CCNY: variants seen among roughly 807,000 people sequenced by gnomAD.
CCNY encodes cyclin Y.
In CCNY, 19 loss-of-function variants were observed where a neutral mutation model predicts 42.8. That is an observed-to-expected ratio of 0.44 (90% confidence interval 0.31 to 0.65). The LOEUF (loss-of-function observed/expected upper bound fraction) is 0.65. Ranked by LOEUF, CCNY falls within the 30% of genes least tolerant of loss-of-function variation. CCNY has a pLI of 0.07. For synonymous variants in CCNY, 165 were observed against 162.7 expected (o/e 1.01, Z -0.11); for missense variants, 370 against 437.3 (o/e 0.85, Z 1.37).
chr10:35,537,922 T>G (rs1423510150), intron 7 of CCNY, among the ~76,000 whole-genome samples: 4 of 152,146 alleles, frequency 2.6e-5, no homozygotes, highest in African/African-American at 9.7e-5. Context: ...AATGATACGG[T>G]TTGGCTGTGT....
chr10:35,317,149 AT>A lies in CCNY; in HGVS notation c.-9+66532del, dbSNP rs1406495369. 5.9e-5 allele frequency among the ~76,000 whole-genome samples: 9 copies of A among 151,368 alleles called. No homozygotes were observed. The East Asian group carries it at 1.2e-3, about 20-fold the overall frequency. On this transcript the variant is annotated intron_variant, in intron 3 of 11. Transcript: ENST00000374706. ...GGCGTGAACCATTGTGCAGGGCCCAATTTTTTTTTAAGTTTATTTTTTATAG... is the reference window on the plus strand; with the variant it reads ...GGCGTGAACCATTGTGCAGGGCCCAATTTTTTTTAAGTTTATTTTTTATAG...
At position 35,517,636 on chromosome 10, in the gene CCNY, T is replaced by C. The variant is rs115388456; in HGVS notation, c.365+1013T>C. 3.4e-3 allele frequency among the ~76,000 whole-genome samples: 512 copies of C among 152,304 alleles called. 4 individuals are homozygous for C. Among genetic ancestry groups the C allele is most frequent in the African/African-American group, 0.012 (482 of 41,566 alleles). ...GGCAGAAGGTGGAGGACAAGGCCGC[T>C]TGGGTAGAGGCTGCCTGTTGGCACT... On this transcript the variant is annotated intron_variant, in intron 4 of 9. Transcript: ENST00000374704.
chr10:35,419,123 A>T (rs1346785531), intron 1 of CCNY, among the ~76,000 whole-genome samples: 3 of 152,170 alleles, frequency 2.0e-5, no homozygotes, highest in Non-Finnish European at 4.4e-5. Context: ...GGGATATAAT[A>T]GTATTTATGT....
intron 8 of CCNY, among the ~76,000 whole-genome samples, chr10:35,556,104 A>G (rs1564457311): frequency 6.6e-6 from 1 of 152,112 alleles, no homozygotes; most frequent in African/African-American, 2.4e-5. Context: ...TGCCCAGGCT[A>G]CCCCATTGCC....
intron 1 of CCNY, among the ~76,000 whole-genome samples, chr10:35,399,938 A>G (rs374220946): frequency 5.9e-5 from 9 of 152,292 alleles, no homozygotes; most frequent in African/African-American, 1.2e-4. Flanking sequence ...AATAAGATAC[A>G]TGGCTAGTAG....
chr10:35,483,392 C>T lies in CCNY; in HGVS notation c.155-12C>T, dbSNP rs764656032. 2.6e-6 allele frequency: 4 copies of T among 1,565,616 alleles called. No homozygotes were observed. The highest frequency in any genetic ancestry group is 3.5e-6 in the Non-Finnish European group (4 of 1,139,962). On this transcript the variant is annotated splice_polypyrimidine_tract_variant and intron_variant, in intron 1 of 9. Coordinates refer to ENST00000374704, the MANE Select transcript of CCNY (RefSeq NM_145012.6). ...TGGTTTATTCATATAATTTATTTTC[C>T]TTTCTTTAAAGATTTGAACATGGAA...
intron 1 of CCNY, among the ~76,000 whole-genome samples, chr10:35,482,749 G>GGTGT (rs56033862): frequency 0.13 from 17,337 of 128,624 alleles, 1,260 homozygotes; most frequent in Middle Eastern, 0.17. Flanking sequence ...GCTGGAAATA[G>GGTGT]GTGTGTGTGT....
chr10:35,446,166 TG>T (rs1315958653), intron 1 of CCNY, among the ~76,000 whole-genome samples: 4 of 152,244 alleles, frequency 2.6e-5, no homozygotes, highest in African/African-American at 9.6e-5. Context: ...TTTTGGTCTC[TG>T]TTGATTGTTT....
At chr10:35,408,372 G>T (rs1007738234) in intron 1 of CCNY, among the ~76,000 whole-genome samples, 6 of 152,152 alleles carry the variant, frequency 3.9e-5, no homozygotes, top group Non-Finnish European at 5.9e-5. Flanking sequence ...CCTGGGTGCC[G>T]GCAGGCTGAG....
At chr10:35,508,247 C>T (rs1473202148) in intron 3 of CCNY, among the ~76,000 whole-genome samples, 1 of 152,166 alleles carries the variant, frequency 6.6e-6, no homozygotes, top group Non-Finnish European at 1.5e-5. Context: ...GTCCATCTGT[C>T]TGTCCATCCA....
At chr10:35,418,128 G>T (rs1838066043) in intron 1 of CCNY, among the ~76,000 whole-genome samples, 1 of 152,228 alleles carries the variant, frequency 6.6e-6, no homozygotes. Context: ...GTGAAGGGCT[G>T]AGAGTTTATA....
intron 3 of CCNY, among the ~76,000 whole-genome samples, chr10:35,503,672 G>C (rs541834866): frequency 1.3e-5 from 2 of 152,302 alleles, no homozygotes; most frequent in South Asian, 4.1e-4. Flanking sequence ...GCTGTAATTG[G>C]TTTAATGGAC....
chr10:35,455,823 TTTAA>T (rs1353469080), intron 1 of CCNY, among the ~76,000 whole-genome samples: 3 of 135,872 alleles, frequency 2.2e-5, no homozygotes, highest in Non-Finnish European at 4.7e-5. Context: ...TTTTTTTTTT[TTTAA>T]AAAAAGAAAA....
At chr10:35,291,349 T>C (rs943268433) in intron 3 of CCNY, among the ~76,000 whole-genome samples, 1 of 151,988 alleles carries the variant, frequency 6.6e-6, no homozygotes, top group African/African-American at 2.4e-5. Flanking sequence ...TAGCATGATG[T>C]TTTCAAGGTA....
chr10:35,252,624 T>G (rs1486631626), intron 3 of CCNY, among the ~76,000 whole-genome samples: 1 of 149,044 alleles, frequency 6.7e-6, no homozygotes, highest in Non-Finnish European at 1.5e-5. Context: ...CATTGAGGTA[T>G]GAAAAATATT....
At chr10:35,259,882 A>C (rs1412359715) in intron 3 of CCNY, among the ~76,000 whole-genome samples, 1 of 136,190 alleles carries the variant, frequency 7.3e-6, no homozygotes, top group Non-Finnish European at 1.6e-5. Context: ...ATGCATAATC[A>C]AACAACATAC....
intron 1 of CCNY, among the ~76,000 whole-genome samples, chr10:35,396,682 A>T (rs563789658): frequency 6.6e-6 from 1 of 152,334 alleles, no homozygotes; most frequent in South Asian, 2.1e-4. Flanking sequence ...GACGCTTCCC[A>T]TGAGAAAAGA....
intron 1 of CCNY, 27 bp downstream of exon 1, chr10:35,337,234 C>G: frequency 6.8e-7 from 1 of 1,479,150 alleles, no homozygotes; most frequent in Non-Finnish European, 9.0e-7. Context: ...GAGCCCCCTA[C>G]CCGCCCCCGC....
rs184354655 is a variant in CCNY, at chr10:35,309,908, C to T, written c.-9+59282C>T. Among the ~76,000 whole-genome samples the T allele has an allele frequency of 6.8e-3, 1,039 of 152,276 alleles. 11 individuals carry two copies. The highest frequency in any genetic ancestry group is 0.024 in the African/African-American group (993 of 41,548). ...CTCCACCTCCCAGGTTCACGCCATT[C>T]TCCTGCCTCAGCCTTCCGAGTAGCT... is the stretch of plus-strand genomic sequence containing the variant. On this transcript the variant is annotated intron_variant, in intron 3 of 11. Coordinates refer to the CCNY transcript ENST00000374706.
Sources: gnomAD v4.1 joint callset for allele counts (sites outside exome capture counted in the v4.1 genomes callset) on GRCh38, gnomAD v4.1.1 for gene constraint, MANE v1.5 for transcripts, NCBI Gene and HGNC (gene_info 2026-07-23, HGNC 2026-07-21) for gene names.